PTPRG: variants seen among roughly 807,000 people sequenced by gnomAD.
PTPRG encodes the protein receptor-type tyrosine-protein phosphatase gamma.
PTPRG carries 102 observed loss-of-function variants against 165.3 expected under a neutral mutation model. The ratio of observed to expected loss-of-function variants is 0.62; its 90% confidence interval spans 0.53 to 0.73. The LOEUF (loss-of-function observed/expected upper bound fraction) is 0.73, where lower values mean the gene tolerates loss of function less well. Ranked by LOEUF, PTPRG falls within the 30% of genes least tolerant of loss-of-function variation. The probability of loss-of-function intolerance (pLI) is 0.00; values close to 1 mark genes in which losing one functional copy is unlikely to be tolerated. For synonymous variants in PTPRG, 675 were observed against 669.5 expected, an observed-to-expected ratio of 1.01 and a Z score of -0.13; for missense variants, 1,866 against 1,861.4, an observed-to-expected ratio of 1.00 and a Z score of -0.05.
At chr3:62,130,634 A>T (rs1336612266) in intron 5 of PTPRG, among the ~76,000 whole-genome samples, 1 of 152,082 alleles carries the variant, frequency 6.6e-6, no homozygotes, top group African/African-American at 2.4e-5. Context: ...TCCTTATTTT[A>T]TTCTATTCTG....
intron 2 of PTPRG, among the ~76,000 whole-genome samples, chr3:61,838,132 T>C (rs1248511186): frequency 6.6e-6 from 1 of 152,150 alleles, no homozygotes; most frequent in African/African-American, 2.4e-5. Flanking sequence ...AGATTTCAGA[T>C]GGTGAATGGG....
intron 5 of PTPRG, among the ~76,000 whole-genome samples, chr3:62,119,172 G>C (rs1702971140): frequency 6.6e-6 from 1 of 152,178 alleles, no homozygotes; most frequent in Non-Finnish European, 1.5e-5. Flanking sequence ...GTTACAGGTG[G>C]GTGTGAGCAT....
chr3:61,955,975 A>G lies in PTPRG; in HGVS notation c.191-33650A>G, dbSNP rs1016413091. Among the ~76,000 whole-genome samples, 71 of 152,152 alleles carry G rather than the reference A, an allele frequency of 4.7e-4. 1 individual carries two copies. The highest frequency in any genetic ancestry group is 2.9e-5 in the Non-Finnish European group (2 of 68,010). On this transcript the variant is annotated intron_variant, in intron 2 of 29. Transcript: ENST00000474889. ...ATATGTTATGCTCACTAAAGAACAG[A>G]ATCTCAATTTCAGAGATAGAATTGC...
intron 7 of PTPRG, among the ~76,000 whole-genome samples, chr3:62,158,319 A>T (rs926262663): frequency 6.6e-6 from 1 of 152,216 alleles, no homozygotes; most frequent in Non-Finnish European, 1.5e-5. Flanking sequence ...CTTCTGCATT[A>T]TTCCCAAAAA....
At chr3:61,597,949 G>T (rs1007381805) in intron 1 of PTPRG, among the ~76,000 whole-genome samples, 1 of 152,134 alleles carries the variant, frequency 6.6e-6, no homozygotes, top group South Asian at 2.1e-4. Context: ...GGGTACAGTA[G>T]TTGCCACAGT....
At chr3:62,165,558 C>T (rs1194382421) in intron 7 of PTPRG, among the ~76,000 whole-genome samples, 1 of 151,542 alleles carries the variant, frequency 6.6e-6, no homozygotes, top group East Asian at 1.9e-4. Flanking sequence ...GGAAGGCAGG[C>T]AGATGCTACC....
intron 2 of PTPRG, among the ~76,000 whole-genome samples, chr3:61,943,229 C>A (rs1043198711): frequency 2.0e-5 from 3 of 152,204 alleles, no homozygotes; most frequent in Non-Finnish European, 4.4e-5. Context: ...GGTCTAACCA[C>A]ATCCTGTCTT....
At chr3:62,172,791 C>T (rs938287988) in intron 8 of PTPRG, among the ~76,000 whole-genome samples, 2 of 152,188 alleles carry the variant, frequency 1.3e-5, no homozygotes, top group Non-Finnish European at 2.9e-5. Context: ...TAATTCAAAA[C>T]GAGCAAAGCC....
At chr3:61,890,340 C>T (rs888828963) in intron 2 of PTPRG, among the ~76,000 whole-genome samples, 7 of 150,390 alleles carry the variant, frequency 4.7e-5, no homozygotes, top group Admixed American at 1.3e-4. Context: ...ATTAACCAAG[C>T]GCAGCACTTT....
intron 4 of PTPRG, among the ~76,000 whole-genome samples, chr3:62,060,180 C>G (rs541422566): frequency 6.8e-6 from 1 of 147,542 alleles, no homozygotes; most frequent in African/African-American, 2.5e-5. Flanking sequence ...CCACCGCACT[C>G]TAGCCTGAGC....
intron 4 of PTPRG, among the ~76,000 whole-genome samples, chr3:62,035,422 C>A (rs1353075042): frequency 6.6e-6 from 1 of 152,154 alleles, no homozygotes; most frequent in African/African-American, 2.4e-5. Flanking sequence ...CAGAGTAGTT[C>A]TAACAATAAT....
In PTPRG at chr3:61,732,709, A is replaced by AAAATAAAT. The variant is rs10593342; in HGVS notation, c.86-16124_86-16117dup. Among the ~76,000 whole-genome samples the AAAATAAAT allele has an allele frequency of 3.9e-3, 553 of 143,110 alleles. 3 individuals are homozygous for AAAATAAAT. The highest frequency in any genetic ancestry group is 0.011 in the African/African-American group (422 of 38,962). 93.9% of individuals were successfully genotyped at this position (143,110 alleles called of 152,430 possible). A position where few individuals can be genotyped will look rare whatever the true frequency, so the allele number is the denominator to read the frequency against. ...GGGTGACAGAGCGAGACTCCGTCTCAAAATAAATAAATAAATAAATAAATA... is the reference window on the plus strand; with the variant it reads ...GGGTGACAGAGCGAGACTCCGTCTCAAAATAAATAAATAAATAAATAAATAAATAAATA... On this transcript the variant is annotated intron_variant, in intron 1 of 29. Coordinates refer to ENST00000474889, the MANE Select transcript of PTPRG (RefSeq NM_002841.4).
At chr3:62,145,835 C>T (rs1455249377) in intron 6 of PTPRG, among the ~76,000 whole-genome samples, 1 of 152,220 alleles carries the variant, frequency 6.6e-6, no homozygotes, top group East Asian at 1.9e-4. Context: ...CCCAGCCATG[C>T]AGTGGAACAG....
intron 2 of PTPRG, among the ~76,000 whole-genome samples, chr3:61,811,429 T>C (rs551147010): frequency 6.6e-6 from 1 of 152,348 alleles, no homozygotes; most frequent in Non-Finnish European, 1.5e-5. Context: ...CACAGTATTG[T>C]TGCAGTAGAA....
At chr3:61,817,664 G>T (rs1243383664) in intron 2 of PTPRG, among the ~76,000 whole-genome samples, 1 of 152,166 alleles carries the variant, frequency 6.6e-6, no homozygotes, top group African/African-American at 2.4e-5. Context: ...ATTGGCCCCA[G>T]AGGGAAGAGA....
intron 4 of PTPRG, among the ~76,000 whole-genome samples, chr3:62,032,360 A>T (rs776721291): frequency 3.3e-5 from 5 of 152,224 alleles, no homozygotes; most frequent in Non-Finnish European, 5.9e-5. Context: ...ATTGCTTTAG[A>T]TTTAGTCAAT....
In PTPRG at chr3:61,989,781, G is replaced by T; in HGVS notation, c.347G>T (p.Trp116Leu). The change falls in exon 3 of 30, where the codon TGG (tryptophan) becomes TTG (leucine). Residue 116 changes from tryptophan to leucine, a missense_variant. Trp to Leu is a moderately conservative substitution (Grantham distance 61). Coordinates refer to ENST00000474889, the MANE Select transcript of PTPRG (RefSeq NM_002841.4). ...GACAATGAGTCTTCTAACAAAACCT[G>T]GATGAAAAACACAGGGAAAACAGGT... ...GFDNESSNKT[W>L]MKNTGKTVAI... The T allele has an allele frequency of 6.2e-7, 1 of 1,613,930 alleles. No individual in the cohort carries two copies. The highest frequency in any genetic ancestry group is 8.5e-7 in the Non-Finnish European group (1 of 1,179,940).
chr3:61,717,996 A>G (rs1031220223), intron 1 of PTPRG, among the ~76,000 whole-genome samples: 11 of 151,704 alleles, frequency 7.3e-5, no homozygotes, highest in African/African-American at 2.7e-4. Context: ...CCTGGCCAAC[A>G]TGGTGAAACC....
At chr3:61,768,664 C>T (rs1235045649) in intron 2 of PTPRG, among the ~76,000 whole-genome samples, 2 of 152,180 alleles carry the variant, frequency 1.3e-5, no homozygotes. Flanking sequence ...CAAGACTTCT[C>T]AGATCCTTTA....
Sources: gnomAD v4.1 joint callset for allele counts (sites outside exome capture counted in the v4.1 genomes callset) on GRCh38, gnomAD v4.1.1 for gene constraint, MANE v1.5 for transcripts, NCBI Gene and HGNC (gene_info 2026-07-23, HGNC 2026-07-21) for gene names.